ARF3: variants seen among roughly 807,000 people sequenced by gnomAD.
The protein encoded by ARF3 is ARF GTPase 3.
Under a neutral mutation model 19.3 loss-of-function variants are expected in ARF3, and 5 were observed. The observed-to-expected ratio is 0.26, with a 90% CI of 0.14 to 0.54. The LOEUF (loss-of-function observed/expected upper bound fraction) is 0.54. ARF3 is among the 20% of genes least tolerant of loss of function. ARF3 has a pLI of 0.95. For synonymous variants in ARF3, 71 were observed against 89.2 expected (o/e 0.80, Z 1.15); for missense variants, 77 against 234.2 (o/e 0.33, Z 4.38).
chr12:48,940,202 G>A, intron 2 of ARF3, 95 bp from the exon 3 acceptor site: 1 of 1,002,650 alleles, frequency 1.0e-6, no homozygotes. Flanking sequence ...CCCCAGTGGT[G>A]GCCATAACAC....
rs749646436 is a variant in ARF3 at position 48,939,830 on chromosome 12, C to G, written c.260-51G>C. The G allele has an allele frequency of 4.1e-5, 66 of 1,610,924 alleles. No homozygotes were observed. The highest frequency in any genetic ancestry group is 5.3e-5 in the Non-Finnish European group (63 of 1,177,862). ...CTAAGATGACAGGTAACCCCCTCCC[C>G]CCAACCAAAAGACCACACCTGCCTG... is the stretch of plus-strand genomic sequence containing the variant. On this transcript the variant is annotated intron_variant, in intron 3 of 4. Transcript: ENST00000256682. This position sits in a 1 kb window ranked among gnomAD's most constrained non-coding sequence, Gnocchi z 4.8.
Position 48,939,961 on chromosome 12 carries a change from T to C in ARF3, c.259+36A>G. 6.2e-7 allele frequency: 1 copy of C among 1,603,764 alleles called. No individual in the cohort carries two copies. The highest frequency in any genetic ancestry group is 8.5e-7 in the Non-Finnish European group (1 of 1,170,706). On this transcript the variant is annotated intron_variant, in intron 3 of 4. Coordinates refer to ENST00000256682, the MANE Select transcript of ARF3 (RefSeq NM_001659.3). This position sits in a 1 kb window ranked among gnomAD's most constrained non-coding sequence, Gnocchi z 4.8. ...TAACAAAGACAGCCACACTCTCTGC[T>C]CATACCCAACCAACCCACGCTAGGC...
At chr12:48,946,454 G>T (rs1940360531) in intron 1 of ARF3, among the ~76,000 whole-genome samples, 1 of 152,162 alleles carries the variant, frequency 6.6e-6, no homozygotes, top group African/African-American at 2.4e-5. Flanking sequence ...ATTGGCTGTT[G>T]GATACCAAGA....
Position 48,950,257 on chromosome 12 carries a change from G to C in ARF3, c.-94+7053C>G, listed in dbSNP as rs1176018059. Among the ~76,000 whole-genome samples, 28 of 151,652 alleles carry C rather than the reference G, an allele frequency of 1.8e-4. 1 individual carries two copies. Among genetic ancestry groups the C allele is most frequent in the Admixed American group, 1.8e-3 (28 of 15,242 alleles). On this transcript the variant is annotated intron_variant, in intron 1 of 4. Transcript: ENST00000256682. Reference sequence around the variant, plus strand: ...GTCACCCAAGCTGGAGTGCAGTGGCGTGATAGTGGCTCACTGCAGCCTCCA... The same window carrying C: ...GTCACCCAAGCTGGAGTGCAGTGGCCTGATAGTGGCTCACTGCAGCCTCCA...
chr12:48,956,492 G>T (rs1259197343), intron 1 of ARF3: 1 of 152,074 alleles, frequency 6.6e-6, no homozygotes, highest in South Asian at 2.1e-4. Flanking sequence ...AACGATTCGC[G>T]TAAGCAATGG....
chr12:48,954,062 C>A (rs1397048193), intron 1 of ARF3, among the ~76,000 whole-genome samples: 1 of 152,178 alleles, frequency 6.6e-6, no homozygotes, highest in Admixed American at 6.5e-5. Context: ...GAATCTAAAT[C>A]CCTGACCTAG....
intron 1 of ARF3, among the ~76,000 whole-genome samples, chr12:48,951,573 T>A (rs1421860736): frequency 5.8e-4 from 80 of 138,582 alleles, no homozygotes; most frequent in Admixed American, 8.5e-4. Flanking sequence ...CAAAAATAAA[T>A]AAATAAATAA....
rs1433753901 is a variant in ARF3, at chr12:48,939,527, G to A, written c.384+128C>T. 3.8e-6 allele frequency: 5 copies of A among 1,305,748 alleles called. No homozygotes were observed. In the East Asian group the frequency reaches 1.2e-4, roughly 31 times the overall value. The allele number at this position is 1,305,748 out of a possible 1,614,324, so 80.9% of individuals were successfully genotyped here. ...GAAGAGGGGCATAAAGAAGCCAAGT[G>A]CTCAGTTTCCCACGCTTCTAACATT... On this transcript the variant is annotated intron_variant, in intron 4 of 4. Coordinates refer to ENST00000256682, the MANE Select transcript of ARF3 (RefSeq NM_001659.3). This position sits in a 1 kb window ranked among gnomAD's most constrained non-coding sequence, Gnocchi z 4.8.
At position 48,940,055 on chromosome 12, in the gene ARF3, A is replaced by G. The variant is rs539005767; in HGVS notation, c.201T>C (p.Asp67=). The G allele has an allele frequency of 6.2e-7, 1 of 1,614,096 alleles. No homozygotes were observed. Among genetic ancestry groups the G allele is most frequent in the South Asian group, 1.1e-5 (1 of 91,074 alleles). The change falls in exon 3 of 5, where the codon GAT becomes GAC. Residue 67 remains aspartate (D), a synonymous_variant. Transcript: ENST00000256682. ...GTCGAATCTTGTCCTGGCCACCCAC[A>G]TCCCACACTGTAAAGCTGATGTTCT... ...EYKNISFTVW[D]VGGQDKIRPL... is the part of the protein sequence containing the mutation.
At chr12:48,948,849 C>T (rs532868605) in intron 1 of ARF3, among the ~76,000 whole-genome samples, 2 of 151,944 alleles carry the variant, frequency 1.3e-5, no homozygotes, top group South Asian at 2.1e-4. Flanking sequence ...AGGGATGGGG[C>T]TGGAGAGATA....
At position 48,940,113 on chromosome 12, in the gene ARF3, G is replaced by GAA. The variant is rs5798094; in HGVS notation, c.149-8_149-7dup. ...CACTGTCTCCACATTGAACCCTTTG[G>GAA]AAAAAAAACAGGCAATGGCCACTTG... On this transcript the variant is annotated splice_region_variant and splice_polypyrimidine_tract_variant and intron_variant, in intron 2 of 4. Transcript: ENST00000256682. 3.5e-4 allele frequency: 550 copies of GAA among 1,592,886 alleles called. 1 individual carries two copies. Among genetic ancestry groups the GAA allele is most frequent in the East Asian group, 2.8e-3 (122 of 44,180 alleles).
At chr12:48,941,920 G>A (rs908511252) in intron 1 of ARF3, among the ~76,000 whole-genome samples, 3 of 152,144 alleles carry the variant, frequency 2.0e-5, no homozygotes, top group African/African-American at 7.2e-5. Flanking sequence ...GGCTTACTGT[G>A]GCCCATCCAA....
At chr12:48,950,962 T>C (rs1940457398) in intron 1 of ARF3, among the ~76,000 whole-genome samples, 1 of 152,076 alleles carries the variant, frequency 6.6e-6, no homozygotes, top group Admixed American at 6.5e-5. Flanking sequence ...TAATTTTTTG[T>C]ATTTAGTAGA....
At chr12:48,944,937 G>T (rs1218935337) in intron 1 of ARF3, among the ~76,000 whole-genome samples, 2 of 151,608 alleles carry the variant, frequency 1.3e-5, no homozygotes, top group Non-Finnish European at 2.9e-5. Flanking sequence ...ATCACCTGAG[G>T]CTGGGAGTTT....
At chr12:48,945,597 C>G (rs1394151278) in intron 1 of ARF3, among the ~76,000 whole-genome samples, 1 of 151,800 alleles carries the variant, frequency 6.6e-6, no homozygotes, top group Non-Finnish European at 1.5e-5. Flanking sequence ...GTGGTACATG[C>G]TTGTAGCACC....
intron 1 of ARF3, chr12:48,955,965 A>G (rs1209239615): frequency 6.6e-6 from 1 of 152,168 alleles, no homozygotes; most frequent in Non-Finnish European, 1.5e-5. Flanking sequence ...ATGTTTTTCA[A>G]ACTCAAGTCC....
chr12:48,953,161 G>A (rs1255106693), intron 1 of ARF3: 1 of 152,182 alleles, frequency 6.6e-6, no homozygotes, highest in Non-Finnish European at 1.5e-5. Flanking sequence ...TACTGAGGGT[G>A]GCAAAACACT....
chr12:48,941,429 C>T (rs944130994), intron 1 of ARF3: 2 of 193,590 alleles, frequency 1.0e-5, no homozygotes, highest in African/African-American at 4.7e-5. Flanking sequence ...AGTTACTTCA[C>T]TTTTCCATAT....
chr12:48,938,995 C>T lies in ARF3; in HGVS notation c.498G>A (p.Leu166=). The T allele has an allele frequency of 6.2e-7, 1 of 1,613,168 alleles. No individual in the cohort carries two copies. The highest frequency in any genetic ancestry group is 8.5e-7 in the Non-Finnish European group (1 of 1,180,020). Reference sequence around the variant, plus strand: ...TGGCCAGCCAGTCCAGGCCTTCGTACAGCCCGTCCCCGCTGGTGGCACAGG... The same window carrying T: ...TGGCCAGCCAGTCCAGGCCTTCGTATAGCCCGTCCCCGCTGGTGGCACAGG... ...QATCATSGDG[L]YEGLDWLANQ... is the part of the protein sequence containing the mutation. The change falls in exon 5 of 5, where the codon CTG becomes CTA. Residue 166 remains leucine (L), a synonymous_variant. Transcript: ENST00000256682.
Sources: allele counts gnomAD v4.1 joint callset (sites outside exome capture counted in the v4.1 genomes callset), GRCh38; gene constraint gnomAD v4.1.1; non-coding constraint Gnocchi (gnomAD v3.1); transcripts MANE v1.5; gene names NCBI Gene and HGNC (gene_info 2026-07-23, HGNC 2026-07-21).